The following DMD variants were observed in gnomAD, a reference collection of about 807,000 sequenced individuals.
DMD encodes the protein mutant dystrophin.
In DMD, 63 loss-of-function variants were observed where a neutral mutation model predicts 330.1. The observed-to-expected ratio is 0.19, with a 90% confidence interval of 0.16 to 0.24. DMD has a LOEUF of 0.24. DMD is among the 10% of genes least tolerant of loss of function. DMD has a pLI of 1.00. For synonymous variants in DMD, 1,223 were observed against 959.8 expected (o/e 1.27, Z -5.07); for missense variants, 3,344 against 2,684.1 (o/e 1.25, Z -5.43).
intron 5 of DMD, among the ~76,000 whole-genome samples, chrX:32,821,940 T>C (rs1219974187): frequency 1.8e-5 from 2 of 111,358 alleles, no homozygotes; most frequent in Non-Finnish European, 3.8e-5. Flanking sequence ...GGGGGAGTTA[T>C]TCATCCCTCA....
At chrX:32,904,009 A>C (rs1488141867) in intron 2 of DMD, among the ~76,000 whole-genome samples, 3 of 111,883 alleles carry the variant, frequency 2.7e-5, no homozygotes, top group Non-Finnish European at 5.6e-5. Context: ...TAATAGCTGC[A>C]CCACAGAAAT....
chrX:32,605,864 G>A (rs2056651291), intron 12 of DMD, among the ~76,000 whole-genome samples: 1 of 110,102 alleles, frequency 9.1e-6, no homozygotes, highest in Non-Finnish European at 1.9e-5. Flanking sequence ...ACACCAATCA[G>A]TATGGCTATT....
At chrX:31,885,682 T>C (rs183890747) in intron 47 of DMD, among the ~76,000 whole-genome samples, 4 of 108,783 alleles carry the variant, frequency 3.7e-5, no homozygotes, top group Admixed American at 9.9e-5. Context: ...TTTAAACTTA[T>C]GCTTTTCAAT....
intron 55 of DMD, among the ~76,000 whole-genome samples, chrX:31,570,914 A>G (rs1038023340): frequency 8.9e-6 from 1 of 111,752 alleles, no homozygotes; most frequent in African/African-American, 3.2e-5. Flanking sequence ...GTTAACCATA[A>G]TTTAGATTTG....
intron 41 of DMD, among the ~76,000 whole-genome samples, chrX:32,319,180 G>C (rs932338700): frequency 8.1e-5 from 9 of 111,209 alleles, no homozygotes; most frequent in African/African-American, 2.6e-4. Context: ...AGTATGGCCT[G>C]TGAGAGAAGA....
intron 2 of DMD, among the ~76,000 whole-genome samples, chrX:33,001,507 A>T (rs1241679209): frequency 1.8e-5 from 2 of 111,093 alleles, no homozygotes; most frequent in African/African-American, 6.6e-5. Context: ...ACCATCCTCC[A>T]TTTCCCATTA....
intron 16 of DMD, among the ~76,000 whole-genome samples, chrX:32,555,579 T>C (rs1042635009): frequency 5.4e-5 from 6 of 111,711 alleles, no homozygotes; most frequent in African/African-American, 2.0e-4. Context: ...CTTCAAACTA[T>C]ACTACAAGGT....
chrX:31,942,024 G>A (rs544735861), intron 45 of DMD, among the ~76,000 whole-genome samples: 99 of 111,791 alleles, frequency 8.9e-4, no homozygotes, highest in African/African-American at 2.9e-3. Context: ...AGAAAGATTC[G>A]TGTTCTTTTA....
At chrX:32,666,724 G>GA (rs1569427118) in intron 9 of DMD, among the ~76,000 whole-genome samples, 6 of 108,817 alleles carry the variant, frequency 5.5e-5, no homozygotes, top group Non-Finnish European at 1.1e-4. Context: ...ATCTACTTGG[G>GA]AGGCTGAGGA....
intron 64 of DMD, among the ~76,000 whole-genome samples, chrX:31,212,977 G>A (rs1024323111): frequency 8.9e-6 from 1 of 112,659 alleles, no homozygotes; most frequent in Non-Finnish European, 1.9e-5. Context: ...TATATTCTAT[G>A]TTGATGTATA....
At chrX:33,046,161 A>C (rs1181174247) in intron 1 of DMD, among the ~76,000 whole-genome samples, 1 of 111,631 alleles carries the variant, frequency 9.0e-6, no homozygotes, top group Non-Finnish European at 1.9e-5. Flanking sequence ...TGGAGGCTAG[A>C]GTCCTAACAA....
rs186409807 is a variant in DMD at position 31,163,560 on chromosome X, G to A, written c.10553+5883C>T. On this transcript the variant is annotated intron_variant, in intron 74 of 78. Transcript: ENST00000357033. ...ACTTTAAAAACATGTGGGAACAGCCGTAGGAATCAGTCTTGAATTATTTCC... is the reference window on the plus strand; with the variant it reads ...ACTTTAAAAACATGTGGGAACAGCCATAGGAATCAGTCTTGAATTATTTCC... Among the ~76,000 whole-genome samples, 6 of 112,227 alleles carry A rather than the reference G, an allele frequency of 5.3e-5. No homozygotes were observed. The East Asian group carries it at 8.4e-4, about 16-fold the overall frequency.
chrX:31,547,131 T>G (rs1378969617), intron 55 of DMD, among the ~76,000 whole-genome samples: 1 of 112,392 alleles, frequency 8.9e-6, no homozygotes, highest in Non-Finnish European at 1.9e-5. Flanking sequence ...TGGTGCAGTA[T>G]GAAATGAAGG....
chrX:31,926,182 G>T (rs1454271758), intron 47 of DMD, among the ~76,000 whole-genome samples: 2 of 111,281 alleles, frequency 1.8e-5, no homozygotes, highest in Admixed American at 1.9e-4. Flanking sequence ...GCTCTTACGG[G>T]TATCATTGTT....
At chrX:31,189,917 TTG>T (rs1373606790) in intron 67 of DMD, among the ~76,000 whole-genome samples, 1 of 112,718 alleles carries the variant, frequency 8.9e-6, no homozygotes, top group African/African-American at 3.2e-5. Flanking sequence ...GTAAATGTCC[TTG>T]TGTTGGTTTC....
chrX:33,064,334 A>C (rs1417931486), intron 1 of DMD, among the ~76,000 whole-genome samples: 1 of 111,411 alleles, frequency 9.0e-6, no homozygotes, highest in Non-Finnish European at 1.9e-5. Flanking sequence ...ACTTTCTAAA[A>C]GGAAAAAAAA....
intron 67 of DMD, among the ~76,000 whole-genome samples, chrX:31,195,949 G>A (rs2042842761): frequency 9.0e-6 from 1 of 111,368 alleles, no homozygotes; most frequent in Non-Finnish European, 1.9e-5. Flanking sequence ...AATGACATGT[G>A]CTTTTCCTTA....
chrX:32,022,572 T>C (rs1374209995), intron 44 of DMD, among the ~76,000 whole-genome samples: 1 of 112,346 alleles, frequency 8.9e-6, no homozygotes, highest in Non-Finnish European at 1.9e-5. Flanking sequence ...TTAAAGGTTA[T>C]TGAGACTTTG....
intron 37 of DMD, among the ~76,000 whole-genome samples, chrX:32,359,976 C>T (rs1345605802): frequency 1.8e-5 from 2 of 110,680 alleles, no homozygotes; most frequent in Admixed American, 9.7e-5. Context: ...TTAACTTCCT[C>T]ATCTTACAAA....
Sources: allele counts gnomAD v4.1 joint callset (sites outside exome capture counted in the v4.1 genomes callset), GRCh38; gene constraint gnomAD v4.1.1; transcripts MANE v1.5; gene names NCBI Gene and HGNC (gene_info 2026-07-23, HGNC 2026-07-21).